The following FKBP1B variants were observed in gnomAD, a reference collection of about 807,000 sequenced individuals.
FKBP1B encodes the protein FKBP prolyl isomerase 1B.
Under a neutral mutation model 13.5 loss-of-function variants are expected in FKBP1B, and 4 were observed. The ratio of observed to expected loss-of-function variants is 0.30; its 90% CI spans 0.15 to 0.68. The LOEUF (loss-of-function observed/expected upper bound fraction) is 0.68. Ranked by LOEUF, FKBP1B falls within the 30% of genes least tolerant of loss-of-function variation. FKBP1B has a pLI of 0.76. For synonymous variants in FKBP1B, 54 were observed against 53.6 expected (o/e 1.01, Z -0.03); for missense variants, 93 against 136.2 (o/e 0.68, Z 1.58).
At chr2:24,057,767 T>G (rs758177781) in intron 2 of FKBP1B, among the ~76,000 whole-genome samples, 1 of 152,144 alleles carries the variant, frequency 6.6e-6, no homozygotes, top group Admixed American at 6.5e-5. Context: ...TCCTCCTACC[T>G]TGGCCTCCCA....
chr2:24,049,986 G>A, intron 1 of FKBP1B, 100 bp downstream of exon 1: 1 of 977,956 alleles, frequency 1.0e-6, no homozygotes, highest in Admixed American at 4.1e-5. Context: ...GTGCTGAAGG[G>A]TCGGGGGGCT....
chr2:24,041,403 C>G, the FKBP1B span, among the ~76,000 whole-genome samples: 1 of 151,738 alleles, frequency 6.6e-6, no homozygotes, highest in Non-Finnish European at 1.5e-5. Flanking sequence ...TCCTCCTTTC[C>G]AACATTTCAA....
At chr2:24,037,685 T>G in the FKBP1B span, 1 of 1,608,350 alleles carries the variant, frequency 6.2e-7, no homozygotes, top group Admixed American at 1.7e-5. Flanking sequence ...ACCTGGTAAA[T>G]GATGTGAACA....
At chr2:24,039,334 A>G in the FKBP1B span, 3 of 1,614,220 alleles carry the variant, frequency 1.9e-6, no homozygotes, top group East Asian at 4.5e-5. Flanking sequence ...AAACTGTCCA[A>G]TGACTTTGGA....
intron 2 of FKBP1B, among the ~76,000 whole-genome samples, chr2:24,056,362 T>G (rs1664128107): frequency 6.6e-6 from 1 of 151,516 alleles, no homozygotes; most frequent in Admixed American, 6.6e-5. Flanking sequence ...TTTTTTTTTT[T>G]GAGACAAGGT....
At position 24,063,458 on chromosome 2, in the gene FKBP1B, G is replaced by GTTTTATAATGAT; in HGVS notation, c.*266_*267insTTTTATAATGAT. 1 of 424,252 alleles carries GTTTTATAATGAT rather than the reference G, an allele frequency of 2.4e-6. No homozygotes were observed. 26.3% of individuals were successfully genotyped at this position (424,252 alleles called of 1,614,324 possible). On this transcript the variant is annotated 3_prime_UTR_variant, in exon 4 of 4. Transcript: ENST00000380986. ...GATGCATGTAGTAGCCTTTCCTGAT[G>GTTTTATAATGAT]ACAGAACACAGATCTCTTGTTCGCA...
chr2:24,037,863 T>C, the FKBP1B span: 5 of 1,614,092 alleles, frequency 3.1e-6, no homozygotes, highest in Admixed American at 5.0e-5. Flanking sequence ...AGTTCTTTCT[T>C]TGAGGCAAAC....
the FKBP1B span, among the ~76,000 whole-genome samples, chr2:24,044,095 A>G: frequency 7.2e-5 from 11 of 152,320 alleles, no homozygotes; most frequent in Admixed American, 7.2e-4. Flanking sequence ...AAATAATGCC[A>G]TGATACACTT....
At position 24,053,949 on chromosome 2, in the gene FKBP1B, G is replaced by C; in HGVS notation, c.85G>C (p.Gly29Arg). 6.2e-7 allele frequency: 1 copy of C among 1,613,760 alleles called. No homozygotes were observed. Among genetic ancestry groups the C allele is most frequent in the Non-Finnish European group, 8.5e-7 (1 of 1,179,628 alleles). The change falls in exon 2 of 4, where the codon GGA (glycine) becomes CGA (arginine). Residue 29 changes from glycine (G) to arginine (R), a missense_variant and splice_region_variant. Coordinates refer to ENST00000380986, the MANE Select transcript of FKBP1B (RefSeq NM_004116.5). ...KGQTCVVHYT[G>R]MLQNGKKFDS... ...CCAAACGTGTGTGGTGCACTACACA[G>C]GTAAGTCTCACCCCCTCAGCCCCCA...
At chr2:24,055,180 C>G (rs1664063346) in intron 2 of FKBP1B, among the ~76,000 whole-genome samples, 1 of 150,074 alleles carries the variant, frequency 6.7e-6, no homozygotes. Flanking sequence ...CTAGAGGTAG[C>G]TATCATTGTT....
At chr2:24,038,306 GGTCT>G in the FKBP1B span, 3 of 1,614,036 alleles carry the variant, frequency 1.9e-6, no homozygotes, top group Non-Finnish European at 2.5e-6. Flanking sequence ...AGTAATAGTT[GGTCT>G]GTCAAGAAAC....
chr2:24,037,979 T>C, the FKBP1B span: 2 of 1,614,238 alleles, frequency 1.2e-6, no homozygotes, highest in Non-Finnish European at 1.7e-6. Flanking sequence ...CCATCACAGA[T>C]ACTAGACAGA....
At chr2:24,056,049 G>A (rs1032313854) in intron 2 of FKBP1B, among the ~76,000 whole-genome samples, 1 of 152,142 alleles carries the variant, frequency 6.6e-6, no homozygotes. Flanking sequence ...GAGAGAAATG[G>A]CATGATCTTG....
At position 24,060,631 on chromosome 2, in the gene FKBP1B, A is replaced by G. The variant is rs534937295; in HGVS notation, c.86-183A>G. On this transcript the variant is annotated intron_variant, in intron 2 of 3. Transcript: ENST00000380986. Reference sequence around the variant, plus strand: ...AGATATGGAGGACTTAGTGATAGGCAGTATGTGGGGGTGAGGCAGAAGGAA... The same window carrying G: ...AGATATGGAGGACTTAGTGATAGGCGGTATGTGGGGGTGAGGCAGAAGGAA... Among the ~76,000 whole-genome samples, 12 of 152,328 alleles carry G rather than the reference A, an allele frequency of 7.9e-5. No homozygotes were observed. The South Asian group carries it at 2.5e-3, about 32-fold the overall frequency.
chr2:24,044,486 T>G, the FKBP1B span, among the ~76,000 whole-genome samples: 1 of 152,080 alleles, frequency 6.6e-6, no homozygotes, highest in African/African-American at 2.4e-5. Context: ...AGGCTGGTCT[T>G]GAACTCCTGA....
chr2:24,048,456 T>C (rs1420293132), upstream of FKBP1B, among the ~76,000 whole-genome samples: 19 of 123,598 alleles, frequency 1.5e-4, no homozygotes, highest in African/African-American at 5.3e-4. Context: ...GGCGACAGAG[T>C]GAAGATTCTG....
At chr2:24,059,706 C>T (rs1247090172) in intron 2 of FKBP1B, among the ~76,000 whole-genome samples, 1 of 151,608 alleles carries the variant, frequency 6.6e-6, no homozygotes, top group African/African-American at 2.4e-5. Context: ...CCAGCCTGGC[C>T]AACATAGCAA....
rs140660945 is a variant in FKBP1B, at chr2:24,063,263, C to T, written c.*71C>T. Reference sequence around the variant, plus strand: ...CTCCTAGCCTGCTCTGCCACTGGGACGGCTCCTGCTTTTGGGGCTCTTGAT... The same window carrying T: ...CTCCTAGCCTGCTCTGCCACTGGGATGGCTCCTGCTTTTGGGGCTCTTGAT... On this transcript the variant is annotated 3_prime_UTR_variant, in exon 4 of 4. Transcript: ENST00000380986. 8.0e-5 allele frequency: 115 copies of T among 1,432,356 alleles called. No individual in the cohort carries two copies. Among genetic ancestry groups the T allele is most frequent in the African/African-American group, 4.7e-4 (33 of 70,000 alleles). The allele number at this position is 1,432,356 out of a possible 1,614,324, so 88.7% of individuals were successfully genotyped here.
At chr2:24,058,113 C>G (rs993648106) in intron 2 of FKBP1B, among the ~76,000 whole-genome samples, 1 of 151,666 alleles carries the variant, frequency 6.6e-6, no homozygotes, top group African/African-American at 2.4e-5. Flanking sequence ...AGGAGAATTA[C>G]TTGAACAACC....
Sources: allele counts gnomAD v4.1 joint callset (sites outside exome capture counted in the v4.1 genomes callset), GRCh38; gene constraint gnomAD v4.1.1; transcripts MANE v1.5; gene names NCBI Gene and HGNC (gene_info 2026-07-23, HGNC 2026-07-21).